Variants in KCNT2 observed in about 807,000 individuals in gnomAD.
The protein encoded by KCNT2 is potassium sodium-activated channel subfamily T member 2.
A neutral mutation model predicts 153.8 loss-of-function variants in KCNT2; 67 were observed. The observed-to-expected ratio is 0.44, with a 90% CI of 0.36 to 0.53. The LOEUF is 0.53. Among genes scored for constraint, KCNT2 ranks in the 20% least tolerant of loss-of-function variants. The pLI is 0.00. For synonymous variants in KCNT2, 500 were observed against 458.8 expected, an observed-to-expected ratio of 1.09 and a Z score of -1.15; for missense variants, 975 against 1,354.8, an observed-to-expected ratio of 0.72 and a Z score of 4.40.
At chr1:196,318,589 A>T (rs1662968592) in intron 20 of KCNT2, among the ~76,000 whole-genome samples, 1 of 151,840 alleles carries the variant, frequency 6.6e-6, no homozygotes, top group Admixed American at 6.6e-5. Flanking sequence ...ATTGGTTATA[A>T]AACATGTGTA....
At chr1:196,304,004 C>A (rs1321967358) in intron 22 of KCNT2, among the ~76,000 whole-genome samples, 1 of 152,140 alleles carries the variant, frequency 6.6e-6, no homozygotes, top group Non-Finnish European at 1.5e-5. Context: ...TATTAATAGC[C>A]TTACATATGC....
chr1:196,604,623 A>T (rs994266953), intron 1 of KCNT2, among the ~76,000 whole-genome samples: 1 of 152,144 alleles, frequency 6.6e-6, no homozygotes, highest in African/African-American at 2.4e-5. Context: ...TGTCCTACTC[A>T]GAAAAGGATA....
chr1:196,316,206 A>G (rs1056712161), intron 20 of KCNT2, among the ~76,000 whole-genome samples, 180 bp from the exon 21 acceptor site: 3 of 151,786 alleles, frequency 2.0e-5, no homozygotes, highest in African/African-American at 7.2e-5. Context: ...CCAATATGAA[A>G]TAATTTTTAT....
intron 8 of KCNT2, among the ~76,000 whole-genome samples, chr1:196,443,957 A>G (rs997428348): frequency 5.3e-5 from 8 of 151,520 alleles, no homozygotes; most frequent in Admixed American, 1.3e-4. Context: ...TACAGATAAT[A>G]TAACTAAAAT....
chr1:196,307,426 T>C (rs1661737253), intron 21 of KCNT2, among the ~76,000 whole-genome samples: 1 of 152,066 alleles, frequency 6.6e-6, no homozygotes, highest in African/African-American at 2.4e-5. Context: ...TTCTCTCCAG[T>C]TTGGCTGCCC....
intron 25 of KCNT2, among the ~76,000 whole-genome samples, chr1:196,264,846 G>C (rs1225494209): frequency 6.6e-6 from 1 of 152,060 alleles, no homozygotes; most frequent in Non-Finnish European, 1.5e-5. Flanking sequence ...GCCCTGGCTG[G>C]CCTAGAACTC....
In KCNT2 at chr1:196,282,359, GCAA is replaced by G; in HGVS notation, c.2698-6_2698-4del. The G allele has an allele frequency of 6.8e-7, 1 of 1,476,438 alleles. No individual in the cohort carries two copies. Among genetic ancestry groups the G allele is most frequent in the Non-Finnish European group, 9.5e-7 (1 of 1,056,898 alleles). 91.5% of individuals were successfully genotyped at this position (1,476,438 alleles called of 1,614,324 possible). ...ATCATATAATCCTTCACAAATGACT[GCAA>G]TATAAACAAACAAACAATATATAAA... On this transcript the variant is annotated splice_region_variant and splice_polypyrimidine_tract_variant and intron_variant, in intron 23 of 27. Transcript: ENST00000294725.
At chr1:196,242,818 T>C (rs1023715780) in intron 26 of KCNT2, among the ~76,000 whole-genome samples, 3 of 152,180 alleles carry the variant, frequency 2.0e-5, no homozygotes, top group African/African-American at 7.2e-5. Context: ...TCTTTACTTA[T>C]AGGTTTACTA....
chr1:196,592,286 G>T (rs1360021740), intron 1 of KCNT2, among the ~76,000 whole-genome samples: 1 of 151,626 alleles, frequency 6.6e-6, no homozygotes, highest in Non-Finnish European at 1.5e-5. Context: ...CTTATTTGTG[G>T]GATCTAAAAA....
chr1:196,419,453 G>A (rs1223030834), intron 12 of KCNT2, among the ~76,000 whole-genome samples: 1 of 150,036 alleles, frequency 6.7e-6, no homozygotes, highest in African/African-American at 2.5e-5. Flanking sequence ...TTGTCCTTGC[G>A]ATAGTTTGCT....
At chr1:196,474,676 A>G (rs536741714) in intron 5 of KCNT2, among the ~76,000 whole-genome samples, 3 of 152,304 alleles carry the variant, frequency 2.0e-5, no homozygotes, top group South Asian at 4.1e-4. Flanking sequence ...ATTGTGCCAG[A>G]GTTTGTTTTT....
chr1:196,344,555 A>C (rs559975051), intron 14 of KCNT2, among the ~76,000 whole-genome samples: 1 of 152,320 alleles, frequency 6.6e-6, no homozygotes, highest in Admixed American at 6.5e-5. Flanking sequence ...TGGCAAAAAC[A>C]GAATCTATCT....
intron 1 of KCNT2, among the ~76,000 whole-genome samples, chr1:196,543,464 C>G (rs4618911): frequency 0.48 from 72,789 of 151,836 alleles, 19,809 homozygotes; most frequent in Middle Eastern, 0.73. Flanking sequence ...CATCTTATTA[C>G]TCTCAAATCT....
At chr1:196,350,007 T>C (rs1357771381) in intron 14 of KCNT2, among the ~76,000 whole-genome samples, 4 of 152,158 alleles carry the variant, frequency 2.6e-5, no homozygotes, top group Non-Finnish European at 5.9e-5. Flanking sequence ...AATTTCCAAT[T>C]TCATCCATGT....
intron 18 of KCNT2, among the ~76,000 whole-genome samples, chr1:196,330,264 A>G (rs1240205381): frequency 6.6e-6 from 1 of 151,674 alleles, no homozygotes; most frequent in Non-Finnish European, 1.5e-5. Flanking sequence ...TTAAGCACCA[A>G]CTCAGTTATT....
At position 196,227,508 on chromosome 1, in the gene KCNT2, G is replaced by A. The variant is rs1653583897; in HGVS notation, c.*716C>T. 6.6e-6 allele frequency: 1 copy of A among 152,048 alleles called. No individual in the cohort carries two copies. The highest frequency in any genetic ancestry group is 6.5e-5 in the Admixed American group (1 of 15,268). 9.4% of individuals were successfully genotyped at this position (152,048 alleles called of 1,614,324 possible). A position where few individuals can be genotyped will look rare whatever the true frequency, so the allele number is the denominator to read the frequency against. On this transcript the variant is annotated 3_prime_UTR_variant, in exon 28 of 28. Transcript: ENST00000294725. ...ATAATAGATATTTGCTTTATAGTAT[G>A]CTTTTCTTGGCATAAAATATTTGCT...
Position 196,545,232 on chromosome 1 carries a change from A to G in KCNT2, c.96-52891T>C, listed in dbSNP as rs182456751. 4.8e-3 allele frequency among the ~76,000 whole-genome samples: 735 copies of G among 152,230 alleles called. 3 individuals are homozygous for G. Among genetic ancestry groups the G allele is most frequent in the African/African-American group, 0.016 (668 of 41,556 alleles). On this transcript the variant is annotated intron_variant, in intron 1 of 27. Transcript: ENST00000294725. Reference sequence around the variant, plus strand: ...CAACATTTTAAAATTGTCCAGGTTCAGATTTATATTTCCATAAGAGGTAAG... The same window carrying G: ...CAACATTTTAAAATTGTCCAGGTTCGGATTTATATTTCCATAAGAGGTAAG...
At chr1:196,339,520 C>CACACAGAGAG (rs1005738965) in intron 16 of KCNT2, among the ~76,000 whole-genome samples, 168 of 138,014 alleles carry the variant, frequency 1.2e-3, no homozygotes, top group Non-Finnish European at 1.9e-3. Flanking sequence ...CACACACACA[C>CACACAGAGAG]AGAGAGAGAG....
chr1:196,442,583 A>T (rs186765405), intron 8 of KCNT2, among the ~76,000 whole-genome samples: 10 of 151,860 alleles, frequency 6.6e-5, no homozygotes, highest in African/African-American at 1.9e-4. Flanking sequence ...ACTTCAATGC[A>T]AGAGTCATGC....
Sources: allele counts gnomAD v4.1 joint callset (sites outside exome capture counted in the v4.1 genomes callset), GRCh38; gene constraint gnomAD v4.1.1; transcripts MANE v1.5; gene names NCBI Gene and HGNC (gene_info 2026-07-23, HGNC 2026-07-21).